The following PDE4D variants were observed in gnomAD, a reference collection of about 807,000 sequenced individuals.
The protein encoded by PDE4D is 3',5'-cyclic-AMP phosphodiesterase 4D.
A neutral mutation model predicts 87.4 loss-of-function variants in PDE4D; 24 were observed. The ratio of observed to expected loss-of-function variants is 0.27; its 90% CI spans 0.20 to 0.39. The LOEUF (loss-of-function observed/expected upper bound fraction) is 0.39, where lower values mean the gene tolerates loss of function less well. Among genes scored for constraint, PDE4D ranks in the 10% least tolerant of loss-of-function variants. The pLI, the probability that PDE4D is intolerant of heterozygous loss-of-function variation, is 1.00. For missense variants in PDE4D, 714 were observed against 1,041.0 expected (o/e 0.69, Z 4.32); for synonymous variants, 384 against 383.2 (o/e 1.00, Z -0.02).
chr5:59,516,263 T>C (rs1008042155), intron 1 of PDE4D, among the ~76,000 whole-genome samples: 6 of 152,194 alleles, frequency 3.9e-5, no homozygotes, highest in African/African-American at 1.4e-4. Context: ...CGATGTTTGG[T>C]CTCTTGCCTA....
chr5:59,630,426 C>A (rs952751427), intron 1 of PDE4D, among the ~76,000 whole-genome samples: 1 of 151,892 alleles, frequency 6.6e-6, no homozygotes, highest in African/African-American at 2.4e-5. Flanking sequence ...GTTTATAGAC[C>A]CTCACCTTCA....
At chr5:59,031,382 TA>T (rs70973182) in intron 6 of PDE4D, among the ~76,000 whole-genome samples, 429 of 38,412 alleles carry the variant, frequency 0.011, 1 homozygote, top group Middle Eastern at 0.065. Context: ...TATATATATA[TA>T]TATATATATT....
chr5:58,980,836 T>C (rs981740290), intron 11 of PDE4D, among the ~76,000 whole-genome samples: 1 of 152,196 alleles, frequency 6.6e-6, no homozygotes, highest in East Asian at 1.9e-4. Flanking sequence ...AAAAGACACA[T>C]TTATTTATTA....
intron 2 of PDE4D, among the ~76,000 whole-genome samples, chr5:60,011,711 CA>C (rs1765035421): frequency 6.6e-6 from 1 of 152,046 alleles, no homozygotes; most frequent in Admixed American, 6.6e-5. Flanking sequence ...TATTTACTAC[CA>C]GGCCATTTAC....
chr5:59,791,047 A>C (rs1311655156), intron 1 of PDE4D, among the ~76,000 whole-genome samples: 1 of 152,218 alleles, frequency 6.6e-6, no homozygotes, highest in Non-Finnish European at 1.5e-5. Flanking sequence ...TCTGAGGAAG[A>C]CTTCCGAGTA....
intron 5 of PDE4D, among the ~76,000 whole-genome samples, chr5:59,158,708 A>G (rs574641498): frequency 4.6e-5 from 7 of 152,348 alleles, no homozygotes; most frequent in Admixed American, 2.0e-4. Context: ...TTAATCCAAT[A>G]TCATCATTTT....
intron 1 of PDE4D, among the ~76,000 whole-genome samples, chr5:59,224,289 CACAT>C (rs1487298090): frequency 4.5e-4 from 58 of 128,434 alleles, no homozygotes; most frequent in Non-Finnish European, 6.3e-4. Flanking sequence ...CATACACACA[CACAT>C]ACACACACAC....
At chr5:60,362,919 T>G (rs780043300) in intron 1 of PDE4D, among the ~76,000 whole-genome samples, 10 of 152,012 alleles carry the variant, frequency 6.6e-5, no homozygotes, top group Non-Finnish European at 1.3e-4. Context: ...AAAAGATTAA[T>G]TCTGTTTACC....
intron 1 of PDE4D, among the ~76,000 whole-genome samples, chr5:59,546,016 T>C (rs1213217425): frequency 6.6e-6 from 1 of 152,086 alleles, no homozygotes; most frequent in African/African-American, 2.4e-5. Flanking sequence ...ATAGCAAAAA[T>C]ATATTTATAC....
intron 2 of PDE4D, among the ~76,000 whole-genome samples, chr5:60,132,264 C>T (rs1268318057): frequency 6.6e-6 from 1 of 152,110 alleles, no homozygotes; most frequent in Non-Finnish European, 1.5e-5. Context: ...TTTAGAAAAG[C>T]ATGCTTCCTA....
At chr5:60,442,204 T>TC (rs1458301628) in intron 1 of PDE4D, among the ~76,000 whole-genome samples, 2 of 152,132 alleles carry the variant, frequency 1.3e-5, no homozygotes, top group Non-Finnish European at 1.5e-5. Context: ...TGCCCATCAA[T>TC]GATAGACTGG....
intron 3 of PDE4D, among the ~76,000 whole-genome samples, chr5:59,980,990 G>A (rs1303700245): frequency 2.0e-5 from 3 of 152,120 alleles, no homozygotes; most frequent in Non-Finnish European, 4.4e-5. Flanking sequence ...GATGGCTCAC[G>A]CCTGTAGTCC....
chr5:60,199,288 C>T (rs1332207685), intron 1 of PDE4D, among the ~76,000 whole-genome samples: 1 of 151,732 alleles, frequency 6.6e-6, no homozygotes, highest in African/African-American at 2.4e-5. Context: ...AAATTCACCT[C>T]AGTTCACCAA....
chr5:59,448,418 G>A (rs1798652300), intron 1 of PDE4D, among the ~76,000 whole-genome samples: 1 of 152,162 alleles, frequency 6.6e-6, no homozygotes, highest in Admixed American at 6.5e-5. Context: ...GAGAGTGCAG[G>A]TTGAGCTGGC....
At chr5:59,147,803 C>T (rs563193378) in intron 5 of PDE4D, among the ~76,000 whole-genome samples, 1 of 152,236 alleles carries the variant, frequency 6.6e-6, no homozygotes, top group East Asian at 1.9e-4. Context: ...TGTTTGTCTA[C>T]AATAAAGTCC....
intron 1 of PDE4D, among the ~76,000 whole-genome samples, chr5:60,513,198 G>C (rs975989106): frequency 3.3e-5 from 5 of 152,060 alleles, no homozygotes; most frequent in Admixed American, 1.3e-4. Flanking sequence ...AAAGCTATAT[G>C]TTTCTTACAA....
At chr5:59,439,056 G>A (rs1053397675) in intron 1 of PDE4D, among the ~76,000 whole-genome samples, 6 of 152,112 alleles carry the variant, frequency 3.9e-5, no homozygotes, top group Non-Finnish European at 8.8e-5. Context: ...TGCAGGGAGA[G>A]ATCAAGAATG....
At chr5:59,276,125 A>T in intron 1 of PDE4D, 5 of 512,364 alleles carry the variant, frequency 9.8e-6, no homozygotes, top group Non-Finnish European at 1.2e-5. Flanking sequence ...GAGAAAGGAA[A>T]AAAAAAAAAA....
intron 2 of PDE4D, among the ~76,000 whole-genome samples, chr5:60,158,736 T>A (rs961055620): frequency 5.9e-5 from 9 of 152,134 alleles, no homozygotes; most frequent in South Asian, 2.1e-4. Context: ...CTAATTTTTT[T>A]AAATATATAT....
Sources: gnomAD v4.1 joint callset for allele counts (sites outside exome capture counted in the v4.1 genomes callset) on GRCh38, gnomAD v4.1.1 for gene constraint, MANE v1.5 for transcripts, NCBI Gene and HGNC (gene_info 2026-07-23, HGNC 2026-07-21) for gene names.